MCCC1: variants seen among roughly 807,000 people sequenced by gnomAD.
The protein encoded by MCCC1 is methylcrotonyl-CoA carboxylase subunit 1, also known as methylcrotonoyl-CoA carboxylase subunit alpha, mitochondrial.
A neutral mutation model predicts 83.8 loss-of-function variants in MCCC1; 64 were observed. That is an observed-to-expected ratio of 0.76 (90% CI 0.62 to 0.94). MCCC1 has a LOEUF of 0.94. Among genes scored for constraint, MCCC1 ranks in the 40% least tolerant of loss-of-function variants. The probability of loss-of-function intolerance (pLI) is 0.00; values close to 1 mark genes in which losing one functional copy is unlikely to be tolerated. For synonymous variants in MCCC1, 322 were observed against 315.4 expected, an observed-to-expected ratio of 1.02 and a Z score of -0.22; for missense variants, 807 against 904.7, an observed-to-expected ratio of 0.89 and a Z score of 1.39.
At chr3:183,111,813 C>A (rs566658229) in intron 1 of MCCC1, among the ~76,000 whole-genome samples, 130 of 151,932 alleles carry the variant, frequency 8.6e-4, no homozygotes, top group Admixed American at 5.2e-4. Context: ...TGCCTCAGTG[C>A]GAGACCACAC....
intron 16 of MCCC1, among the ~76,000 whole-genome samples, 164 bp from the exon 17 acceptor site, chr3:183,020,401 G>A (rs1316998315): frequency 6.6e-6 from 1 of 152,188 alleles, no homozygotes; most frequent in Non-Finnish European, 1.5e-5. Flanking sequence ...GGAGGCTGAG[G>A]TAGGCAGATG....
intron 18 of MCCC1, among the ~76,000 whole-genome samples, chr3:183,016,556 C>T (rs1711641112): frequency 6.6e-6 from 1 of 152,194 alleles, no homozygotes; most frequent in South Asian, 2.1e-4. Context: ...TCCTTGGGCT[C>T]TACTCCTGGA....
chr3:183,047,101 T>C (rs1714613709), intron 9 of MCCC1, among the ~76,000 whole-genome samples: 1 of 152,136 alleles, frequency 6.6e-6, no homozygotes, highest in Non-Finnish European at 1.5e-5. Flanking sequence ...TGAAACCACT[T>C]TGAAATACAC....
chr3:183,026,790 C>A (rs1248722366), intron 14 of MCCC1, among the ~76,000 whole-genome samples: 1 of 152,182 alleles, frequency 6.6e-6, no homozygotes, highest in Non-Finnish European at 1.5e-5. Context: ...CCTCTGTCAT[C>A]TTGACTCACT....
At position 183,033,986 on chromosome 3, in the gene MCCC1, C is replaced by T. The variant is rs762762143; in HGVS notation, c.1681+5G>A. On this transcript the variant is annotated splice_donor_5th_base_variant and intron_variant, in intron 14 of 18. Coordinates refer to ENST00000265594, the MANE Select transcript of MCCC1 (RefSeq NM_020166.5). Reference sequence around the variant, plus strand: ...ACATTTCTCTTTTAATGAAACATTACTTACTGTTTTTACCATCTTTAAGAG... The same window carrying T: ...ACATTTCTCTTTTAATGAAACATTATTTACTGTTTTTACCATCTTTAAGAG... 9 of 1,578,638 alleles carry T rather than the reference C, an allele frequency of 5.7e-6. No homozygotes were observed. Among genetic ancestry groups the T allele is most frequent in the East Asian group, 2.2e-5 (1 of 44,680 alleles).
intron 7 of MCCC1, among the ~76,000 whole-genome samples, chr3:183,058,527 C>T (rs1394719222): frequency 2.0e-5 from 3 of 151,976 alleles, no homozygotes; most frequent in East Asian, 3.9e-4. Context: ...GAGGCTCAGG[C>T]AGGAGGATTC....
chr3:183,035,342 C>T (rs577775791), intron 13 of MCCC1, among the ~76,000 whole-genome samples: 5 of 152,120 alleles, frequency 3.3e-5, no homozygotes, highest in African/African-American at 7.2e-5. Context: ...ATGCAGTTTT[C>T]GGGACTTAAA....
At chr3:183,036,580 T>C (rs1713615543) in intron 13 of MCCC1, among the ~76,000 whole-genome samples, 1 of 148,690 alleles carries the variant, frequency 6.7e-6, no homozygotes, top group Non-Finnish European at 1.5e-5. Context: ...CGCCCTGTTG[T>C]CCAGGCTGGA....
At chr3:183,085,929 C>T (rs1447287689) in intron 4 of MCCC1, among the ~76,000 whole-genome samples, 1 of 152,196 alleles carries the variant, frequency 6.6e-6, no homozygotes, top group Non-Finnish European at 1.5e-5. Flanking sequence ...GAACCAGCCT[C>T]ATTAAGCCCT....
intron 14 of MCCC1, among the ~76,000 whole-genome samples, chr3:183,033,208 C>T (rs1398700957): frequency 6.6e-6 from 1 of 152,222 alleles, no homozygotes; most frequent in Non-Finnish European, 1.5e-5. Context: ...CTGGCTTAAG[C>T]GTCAGCCTCT....
intron 1 of MCCC1, among the ~76,000 whole-genome samples, chr3:183,108,181 G>A (rs1353816522): frequency 2.0e-5 from 3 of 152,164 alleles, no homozygotes; most frequent in Non-Finnish European, 4.4e-5. Context: ...GGATAGTTTA[G>A]GTTTTGACTA....
chr3:183,041,265 C>T (rs1302158978), intron 11 of MCCC1, among the ~76,000 whole-genome samples: 2 of 152,154 alleles, frequency 1.3e-5, no homozygotes, highest in South Asian at 2.1e-4. Context: ...TATCAGTCAT[C>T]TTAAATCATT....
intron 13 of MCCC1, among the ~76,000 whole-genome samples, chr3:183,036,687 G>A (rs947772969): frequency 2.0e-5 from 3 of 151,932 alleles, no homozygotes; most frequent in Admixed American, 6.6e-5. Flanking sequence ...CTACAGGTGC[G>A]TGCCACCACA....
intron 1 of MCCC1, among the ~76,000 whole-genome samples, chr3:183,107,509 TTTATTA>T (rs199825914): frequency 8.9e-4 from 134 of 150,686 alleles, no homozygotes; most frequent in South Asian, 2.5e-3. Context: ...CTGTTTTGTT[TTTATTA>T]TTATTATTAT....
At chr3:183,057,463 G>T (rs1427802839) in intron 7 of MCCC1, 41 bp from the exon 8 acceptor site, 2 of 1,435,476 alleles carry the variant, frequency 1.4e-6, no homozygotes, top group South Asian at 1.2e-5. Context: ...ATTTGTTAGG[G>T]GTGATAAATA....
intron 1 of MCCC1, 135 bp from the exon 2 acceptor site, chr3:183,094,740 G>T: frequency 1.2e-5 from 10 of 837,392 alleles, no homozygotes; most frequent in Admixed American, 1.0e-4. Context: ...TTCTTAGTGG[G>T]TAGAAAACTA....
At chr3:183,036,950 G>C (rs1713661493) in intron 13 of MCCC1, among the ~76,000 whole-genome samples, 1 of 152,160 alleles carries the variant, frequency 6.6e-6, no homozygotes, top group Admixed American at 6.5e-5. Context: ...TGGGATTACA[G>C]ACGTGAGCCA....
At chr3:183,042,794 C>A (rs918350383) in intron 10 of MCCC1, among the ~76,000 whole-genome samples, 4 of 152,210 alleles carry the variant, frequency 2.6e-5, no homozygotes. Flanking sequence ...AGAAAAGTGT[C>A]TGGCATACAG....
At chr3:183,106,964 TCTAA>T (rs1381918406) in intron 1 of MCCC1, among the ~76,000 whole-genome samples, 3 of 152,132 alleles carry the variant, frequency 2.0e-5, no homozygotes, top group Non-Finnish European at 2.9e-5. Flanking sequence ...TTTTTTTACC[TCTAA>T]CTATGTCACT....
Sources: gnomAD v4.1 joint callset for allele counts (sites outside exome capture counted in the v4.1 genomes callset) on GRCh38, gnomAD v4.1.1 for gene constraint, MANE v1.5 for transcripts, NCBI Gene and HGNC (gene_info 2026-07-23, HGNC 2026-07-21) for gene names.